ATP2B2: variants seen among roughly 807,000 people sequenced by gnomAD.
The protein encoded by ATP2B2 is ATPase plasma membrane Ca2+ transporting 2.
ATP2B2 carries 15 observed loss-of-function variants against 120.0 expected under a neutral mutation model. The observed-to-expected ratio is 0.12, with a 90% CI of 0.08 to 0.19. ATP2B2 has a LOEUF of 0.19. Ranked by LOEUF, ATP2B2 falls within the 10% of genes least tolerant of loss-of-function variation. The probability of loss-of-function intolerance (pLI) is 1.00; values close to 1 mark genes in which losing one functional copy is unlikely to be tolerated. For synonymous variants in ATP2B2, 694 were observed against 700.3 expected (o/e 0.99, Z 0.14); for missense variants, 1,045 against 1,719.8 (o/e 0.61, Z 6.94).
At chr3:10,341,962 A>T (rs2125375588) in intron 19 of ATP2B2, among the ~76,000 whole-genome samples, 1 of 152,364 alleles carries the variant, frequency 6.6e-6, no homozygotes, top group African/African-American at 2.4e-5. Context: ...AGGACAAGTG[A>T]AAGGCCAGCT....
At chr3:10,452,585 G>A (rs1391075259) in intron 1 of ATP2B2, among the ~76,000 whole-genome samples, 5 of 152,174 alleles carry the variant, frequency 3.3e-5, no homozygotes, top group Non-Finnish European at 7.3e-5. Context: ...GATAGAGTGA[G>A]GCAAATGGGC....
At chr3:10,380,097 TAAG>T (rs1157755985) in intron 8 of ATP2B2, among the ~76,000 whole-genome samples, 1 of 152,214 alleles carries the variant, frequency 6.6e-6, no homozygotes. Flanking sequence ...AGCAGCAGGC[TAAG>T]TAGTGTCCGT....
At chr3:10,570,967 G>T (rs1034380118) in intron 2 of ATP2B2, among the ~76,000 whole-genome samples, 5 of 152,210 alleles carry the variant, frequency 3.3e-5, no homozygotes, top group African/African-American at 4.8e-5. Flanking sequence ...AGGAAAGCTA[G>T]GTTTAAATAT....
At chr3:10,360,184 T>C (rs1230433019) in intron 12 of ATP2B2, 61 bp from the exon 13 acceptor site, 23 of 1,522,768 alleles carry the variant, frequency 1.5e-5, no homozygotes, top group Non-Finnish European at 2.0e-5. Context: ...GCCTCTGCCC[T>C]GGCTGCCACT....
chr3:10,593,776 C>G (rs1292420258), intron 2 of ATP2B2, among the ~76,000 whole-genome samples: 2 of 151,970 alleles, frequency 1.3e-5, no homozygotes, highest in Non-Finnish European at 2.9e-5. Context: ...AGTGAACAGG[C>G]AACCTACAGA....
chr3:10,372,481 C>A (rs1245040354), intron 11 of ATP2B2, among the ~76,000 whole-genome samples: 1 of 152,190 alleles, frequency 6.6e-6, no homozygotes, highest in Non-Finnish European at 1.5e-5. Flanking sequence ...GCCTGGCTTT[C>A]ATTCTCATTT....
In ATP2B2 at chr3:10,615,949, G is replaced by A. The variant is rs144284236; in HGVS notation, c.-415+3968C>T. ...GGTTGTACTGTTGCTTCTGGGTCTC[G>A]CTGGGAAGGTAAGGTGGTAACCAAG... is the stretch of plus-strand genomic sequence containing the variant. On this transcript the variant is annotated intron_variant, in intron 2 of 21. Transcript: ENST00000646379. 6.0e-4 allele frequency among the ~76,000 whole-genome samples: 91 copies of A among 152,160 alleles called. No individual in the cohort carries two copies. In the Middle Eastern group the frequency reaches 0.02, roughly 34 times the overall value.
At chr3:10,471,650 T>TA (rs1448233708) in intron 1 of ATP2B2, among the ~76,000 whole-genome samples, 2 of 151,710 alleles carry the variant, frequency 1.3e-5, no homozygotes, top group Non-Finnish European at 2.9e-5. Context: ...GATATTACCA[T>TA]AAAAAATGAT....
intron 1 of ATP2B2, among the ~76,000 whole-genome samples, chr3:10,664,189 T>A (rs1051371810): frequency 6.6e-5 from 10 of 152,074 alleles, no homozygotes; most frequent in Non-Finnish European, 1.3e-4. Context: ...GCCGGCACCC[T>A]GCTCCCTTTT....
intron 3 of ATP2B2, among the ~76,000 whole-genome samples, chr3:10,403,436 G>T (rs2062297635): frequency 6.6e-6 from 1 of 152,240 alleles, no homozygotes; most frequent in Non-Finnish European, 1.5e-5. Flanking sequence ...AGGCACATCT[G>T]ATCTGAAGGC....
intron 2 of ATP2B2, among the ~76,000 whole-genome samples, chr3:10,413,592 G>A (rs1310202712): frequency 6.6e-6 from 1 of 152,210 alleles, no homozygotes; most frequent in East Asian, 1.9e-4. Flanking sequence ...TTCCTCCACT[G>A]TTCTGTGCTG....
intron 2 of ATP2B2, among the ~76,000 whole-genome samples, chr3:10,429,684 C>T (rs185565528): frequency 6.6e-5 from 10 of 152,286 alleles, no homozygotes; most frequent in African/African-American, 2.4e-4. Context: ...CTCCAAATCA[C>T]TTTAAATCAA....
At chr3:10,597,113 G>A (rs1014517205) in intron 2 of ATP2B2, among the ~76,000 whole-genome samples, 21 of 118,960 alleles carry the variant, frequency 1.8e-4, no homozygotes, top group Non-Finnish European at 2.3e-4. Flanking sequence ...ACACATACAC[G>A]CACACACACA....
intron 2 of ATP2B2, among the ~76,000 whole-genome samples, chr3:10,612,430 C>G: frequency 6.6e-6 from 1 of 152,150 alleles, no homozygotes; most frequent in Non-Finnish European, 1.5e-5. Flanking sequence ...TTGCAAAGCA[C>G]TTGCCTGGGG....
chr3:10,556,575 C>A (rs1182352091), intron 2 of ATP2B2, among the ~76,000 whole-genome samples: 1 of 152,118 alleles, frequency 6.6e-6, no homozygotes, highest in Non-Finnish European at 1.5e-5. Flanking sequence ...GTGAGCAGCA[C>A]AGATGTTTGG....
Position 10,350,048 on chromosome 3 carries a change from A to G in ATP2B2, c.2404+64T>C, listed in dbSNP as rs990384875. 2.6e-6 allele frequency: 4 copies of G among 1,519,132 alleles called. No individual in the cohort carries two copies. The Admixed American group carries it at 6.8e-5, about 26-fold the overall frequency. The allele number at this position is 1,519,132 out of a possible 1,614,324, so 94.1% of individuals were successfully genotyped here. On this transcript the variant is annotated intron_variant, in intron 16 of 22. Coordinates refer to ENST00000360273, the MANE Select transcript of ATP2B2 (RefSeq NM_001001331.4). Reference sequence around the variant, plus strand: ...GGGAAGAAGCTGCAAGTGCCAGGAGAGGAGGGCCCAGCTTCTGGCCTGGTG... The same window carrying G: ...GGGAAGAAGCTGCAAGTGCCAGGAGGGGAGGGCCCAGCTTCTGGCCTGGTG...
intron 5 of ATP2B2, among the ~76,000 whole-genome samples, chr3:10,391,236 C>T (rs573963112): frequency 4.6e-5 from 7 of 152,306 alleles, no homozygotes; most frequent in African/African-American, 1.4e-4. Context: ...TGCCGAGTCA[C>T]TCTGCAGGTG....
At chr3:10,559,078 C>T (rs1477050036) in intron 2 of ATP2B2, among the ~76,000 whole-genome samples, 1 of 152,222 alleles carries the variant, frequency 6.6e-6, no homozygotes, top group African/African-American at 2.4e-5. Context: ...CTCTGCTGAT[C>T]CAGGCTCCTC....
At chr3:10,566,681 A>T (rs990580382) in intron 2 of ATP2B2, among the ~76,000 whole-genome samples, 1 of 152,218 alleles carries the variant, frequency 6.6e-6, no homozygotes, top group Non-Finnish European at 1.5e-5. Flanking sequence ...ACATTCATAG[A>T]TATACATCAA....
Sources: gnomAD v4.1 joint callset for allele counts (sites outside exome capture counted in the v4.1 genomes callset) on GRCh38, gnomAD v4.1.1 for gene constraint, MANE v1.5 for transcripts, NCBI Gene and HGNC (gene_info 2026-07-23, HGNC 2026-07-21) for gene names.